Variants in CDYL observed in about 807,000 individuals in gnomAD.
CDYL encodes the protein chromodomain Y-like protein.
A neutral mutation model predicts 47.3 loss-of-function variants in CDYL; 8 were observed. The ratio of observed to expected loss-of-function variants is 0.17; its 90% CI spans 0.10 to 0.31. CDYL has a LOEUF of 0.31. Among genes scored for constraint, CDYL ranks in the 10% least tolerant of loss-of-function variants. CDYL has a pLI of 1.00. For synonymous variants in CDYL, 266 were observed against 265.0 expected (o/e 1.00, Z -0.04); for missense variants, 471 against 701.4 (o/e 0.67, Z 3.71).
intron 1 of CDYL, among the ~76,000 whole-genome samples, chr6:4,708,166 ACACACACACACAT>A: frequency 6.8e-6 from 1 of 147,976 alleles, no homozygotes. Context: ...ACACACACAC[ACACACACACACAT>A]ATATATATAT....
intron 3 of CDYL, among the ~76,000 whole-genome samples, chr6:4,766,640 C>G (rs1758256248): frequency 6.6e-6 from 1 of 151,876 alleles, no homozygotes; most frequent in Non-Finnish European, 1.5e-5. Context: ...CATTCATACA[C>G]AAACTAAAAA....
chr6:4,862,796 T>G (rs1412128856), intron 1 of CDYL, among the ~76,000 whole-genome samples: 1 of 152,220 alleles, frequency 6.6e-6, no homozygotes, highest in African/African-American at 2.4e-5. Context: ...ATCTCTTCCC[T>G]TTCTCAAAGA....
intron 2 of CDYL, among the ~76,000 whole-genome samples, chr6:4,912,008 G>A (rs1455968921): frequency 1.3e-5 from 2 of 152,320 alleles, no homozygotes; most frequent in East Asian, 3.9e-4. Context: ...TTTCTCCTGA[G>A]CAGGTGTCAT....
chr6:4,950,945 A>C (rs922974085), intron 5 of CDYL, among the ~76,000 whole-genome samples: 2 of 151,400 alleles, frequency 1.3e-5, no homozygotes, highest in African/African-American at 4.9e-5. Context: ...AAAAAAAAAA[A>C]AAACTTGCAA....
intron 1 of CDYL, among the ~76,000 whole-genome samples, chr6:4,845,759 A>G (rs995322853): frequency 5.9e-5 from 9 of 152,216 alleles, no homozygotes; most frequent in African/African-American, 2.2e-4. Flanking sequence ...CATATATCAC[A>G]AAGCATCAAC....
chr6:4,734,782 T>C (rs758036367), exon 3 of CDYL: 1 of 1,614,102 alleles, frequency 6.2e-7, no homozygotes, highest in Non-Finnish European at 8.5e-7. Flanking sequence ...AGATGGGCCT[T>C]CAGACCCCAG....
intron 1 of CDYL, chr6:4,890,103 T>C (rs1762001403): frequency 5.1e-6 from 5 of 985,260 alleles, no homozygotes; most frequent in African/African-American, 1.7e-5. Flanking sequence ...TACTGCCCGC[T>C]TCTGGAGTGG....
intron 1 of CDYL, among the ~76,000 whole-genome samples, chr6:4,780,396 A>AC (rs1561847017): frequency 8.1e-4 from 6 of 7,380 alleles, no homozygotes; most frequent in Admixed American, 1.5e-3. Flanking sequence ...ACCCCCGCCT[A>AC]CGCCCCCCCC....
intron 1 of CDYL, among the ~76,000 whole-genome samples, chr6:4,869,653 T>C (rs1440933954): frequency 1.3e-5 from 2 of 152,328 alleles, no homozygotes; most frequent in South Asian, 2.1e-4. Context: ...AATATGCATT[T>C]TAATTTATCG....
At chr6:4,898,203 C>A (rs1044405758) in intron 2 of CDYL, among the ~76,000 whole-genome samples, 10 of 141,678 alleles carry the variant, frequency 7.1e-5, no homozygotes, top group African/African-American at 2.6e-4. Context: ...GCCTATTCCA[C>A]AGAGCAAGAC....
At chr6:4,950,131 A>G (rs966287372) in intron 5 of CDYL, among the ~76,000 whole-genome samples, 3 of 152,218 alleles carry the variant, frequency 2.0e-5, no homozygotes, top group Admixed American at 1.3e-4. Context: ...AAAGGGAGAC[A>G]GGGAAGAGAA....
intron 3 of CDYL, among the ~76,000 whole-genome samples, chr6:4,771,083 T>C (rs1220218961): frequency 6.6e-6 from 1 of 152,148 alleles, no homozygotes. Context: ...TGTTTCTAGT[T>C]CCAGTAGGTG....
At chr6:4,915,201 T>C (rs1757522928) in intron 2 of CDYL, among the ~76,000 whole-genome samples, 1 of 152,248 alleles carries the variant, frequency 6.6e-6, no homozygotes, top group South Asian at 2.1e-4. Flanking sequence ...AATAAATTCC[T>C]AGATTCGGAT....
At chr6:4,760,915 C>T (rs112136746) in intron 3 of CDYL, among the ~76,000 whole-genome samples, 2,006 of 152,044 alleles carry the variant, frequency 0.013, 38 homozygotes, top group African/African-American at 0.044. Context: ...TCCCAACCCC[C>T]GTAGATAAAG....
At chr6:4,808,793 A>T (rs1372281959) in intron 1 of CDYL, among the ~76,000 whole-genome samples, 1 of 152,230 alleles carries the variant, frequency 6.6e-6, no homozygotes, top group Non-Finnish European at 1.5e-5. Flanking sequence ...CAGTCAAAAT[A>T]CTGTTTTCCA....
At chr6:4,807,552 G>A (rs1280788532) in intron 1 of CDYL, among the ~76,000 whole-genome samples, 1 of 146,028 alleles carries the variant, frequency 6.8e-6, no homozygotes, top group Non-Finnish European at 1.5e-5. Context: ...TGTTTTGCAA[G>A]GAGAAGCTAT....
intron 2 of CDYL, among the ~76,000 whole-genome samples, chr6:4,721,247 C>T (rs1455629840): frequency 1.3e-5 from 2 of 152,048 alleles, no homozygotes; most frequent in African/African-American, 2.4e-5. Flanking sequence ...CTATGCAGCA[C>T]GTAGTCCTTC....
chr6:4,895,446 T>C lies in CDYL; in HGVS notation c.691+3067T>C, dbSNP rs1304867408. Among the ~76,000 whole-genome samples, 28 of 80,114 alleles carry C rather than the reference T, an allele frequency of 3.5e-4. 11 individuals carry two copies. Among genetic ancestry groups the C allele is most frequent in the African/African-American group, 1.5e-3 (26 of 17,696 alleles). 52.6% of individuals were successfully genotyped at this position (80,114 alleles called of 152,430 possible). ...GCATGTATACATGTATACGTATATA[T>C]GCATATATACATGTATACATATATA... On this transcript the variant is annotated intron_variant, in intron 2 of 6. Coordinates refer to ENST00000397588, the MANE Select transcript of CDYL (RefSeq NM_004824.4).
At position 4,935,694 on chromosome 6, in the gene CDYL, G is replaced by A; in HGVS notation, c.871G>A (p.Val291Met). ...TESAYRYRDI[V>M]VRKQDGFTHI... Reference sequence around the variant, plus strand: ...AAGTGCCTACAGATACAGAGATATTGTGGTCAGGAAGCAGGATGGCTTCAC... The same window carrying A: ...AAGTGCCTACAGATACAGAGATATTATGGTCAGGAAGCAGGATGGCTTCAC... The change falls in exon 3 of 7, where the codon GTG becomes ATG. Residue 291 changes from valine to methionine, a missense_variant. By Grantham distance (21) the Val-to-Met change is conservative (BLOSUM62 1). This residue lies in a region of CDYL where 103 missense variants were observed against 277.1 expected (regional missense o/e 0.37). Coordinates refer to ENST00000397588, the MANE Select transcript of CDYL (RefSeq NM_004824.4). 6.2e-7 allele frequency: 1 copy of A among 1,614,236 alleles called. No homozygotes were observed. Among genetic ancestry groups the A allele is most frequent in the Non-Finnish European group, 8.5e-7 (1 of 1,180,048 alleles).
Sources: allele counts gnomAD v4.1 joint callset (sites outside exome capture counted in the v4.1 genomes callset), GRCh38; gene constraint gnomAD v4.1.1; regional missense constraint gnomAD v4.1.1; transcripts MANE v1.5; gene names NCBI Gene and HGNC (gene_info 2026-07-23, HGNC 2026-07-21).